Variants in IL1R1 observed in about 807,000 individuals in gnomAD.
IL1R1 encodes interleukin-1 receptor type 1.
In IL1R1, 22 loss-of-function variants were observed where a neutral mutation model predicts 50.2. The observed-to-expected ratio is 0.44, with a 90% CI of 0.31 to 0.63. The LOEUF (loss-of-function observed/expected upper bound fraction) is 0.63. Ranked by LOEUF, IL1R1 falls within the 20% of genes least tolerant of loss-of-function variation. The pLI, the probability that IL1R1 is intolerant of heterozygous loss-of-function variation, is 0.07. For synonymous variants in IL1R1, 251 were observed against 236.7 expected (o/e 1.06, Z -0.55); for missense variants, 509 against 676.2 (o/e 0.75, Z 2.74).
intron 1 of IL1R1, among the ~76,000 whole-genome samples, chr2:102,128,007 G>A (rs900006925): frequency 1.3e-5 from 2 of 151,904 alleles, no homozygotes; most frequent in African/African-American, 4.8e-5. Flanking sequence ...TTCAATTCTC[G>A]ACAGTTCTTC....
chr2:102,121,300 G>A (rs1048896084), intron 1 of IL1R1, among the ~76,000 whole-genome samples: 27 of 152,050 alleles, frequency 1.8e-4, no homozygotes, highest in African/African-American at 6.5e-4. Context: ...GGTTTCTCTC[G>A]CAACTTCTAT....
Position 102,163,020 on chromosome 2 carries a change from A to T in IL1R1, c.62-1754A>T, listed in dbSNP as rs147911983. Reference sequence around the variant, plus strand: ...AATTTTAAATATATTTTCATGGGATATGGAATTCTAGGTAGACTTTTTCTT... The same window carrying T: ...AATTTTAAATATATTTTCATGGGATTTGGAATTCTAGGTAGACTTTTTCTT... On this transcript the variant is annotated intron_variant, in intron 3 of 11. Coordinates refer to ENST00000410023, the MANE Select transcript of IL1R1 (RefSeq NM_000877.4). Among the ~76,000 whole-genome samples, 515 of 152,246 alleles carry T rather than the reference A, an allele frequency of 3.4e-3. 3 individuals are homozygous for T. The highest frequency in any genetic ancestry group is 0.011 in the African/African-American group (474 of 41,558).
chr2:102,094,250 T>C (rs540624857), intron 1 of IL1R1, among the ~76,000 whole-genome samples: 11 of 152,344 alleles, frequency 7.2e-5, no homozygotes, highest in African/African-American at 2.6e-4. Flanking sequence ...TAGTGAGGGA[T>C]TTATGACCTT....
intron 1 of IL1R1, among the ~76,000 whole-genome samples, chr2:102,071,520 T>C (rs1678718459): frequency 6.6e-6 from 1 of 152,238 alleles, no homozygotes; most frequent in Non-Finnish European, 1.5e-5. Flanking sequence ...GGCTTTATCA[T>C]GTGGCTTTTG....
chr2:102,087,474 T>C (rs1002832475), intron 1 of IL1R1, among the ~76,000 whole-genome samples: 3 of 152,232 alleles, frequency 2.0e-5, no homozygotes, highest in Non-Finnish European at 4.4e-5. Context: ...GTTTAGGTAA[T>C]ATTCATAATC....
chr2:102,171,269 A>G (rs1429327786), intron 7 of IL1R1, among the ~76,000 whole-genome samples: 1 of 152,228 alleles, frequency 6.6e-6, no homozygotes, highest in Non-Finnish European at 1.5e-5. Context: ...AATCGTGCTC[A>G]CATACACTAT....
intron 1 of IL1R1, among the ~76,000 whole-genome samples, chr2:102,083,558 C>A (rs912052366): frequency 7.2e-5 from 11 of 152,112 alleles, no homozygotes; most frequent in Admixed American, 6.5e-4. Flanking sequence ...TGTTCTGACA[C>A]CTGATGACAC....
At chr2:102,140,052 T>C (rs1238363213), upstream of IL1R1, among the ~76,000 whole-genome samples, 3 of 152,212 alleles carry the variant, frequency 2.0e-5, no homozygotes, top group Non-Finnish European at 4.4e-5. Flanking sequence ...TGGTCAACTC[T>C]GTTCCTTGGA....
chr2:102,137,185 A>C (rs551292446), intron 1 of IL1R1, among the ~76,000 whole-genome samples: 1 of 152,324 alleles, frequency 6.6e-6, no homozygotes, highest in Non-Finnish European at 1.5e-5. Context: ...GACACCTTGC[A>C]TGCTAGACTG....
At chr2:102,085,527 G>A (rs1232903354) in intron 1 of IL1R1, among the ~76,000 whole-genome samples, 1 of 152,024 alleles carries the variant, frequency 6.6e-6, no homozygotes, top group East Asian at 1.9e-4. Context: ...AGGTAACTAT[G>A]TAGGTGTGTA....
intron 1 of IL1R1, among the ~76,000 whole-genome samples, chr2:102,080,790 C>G (rs1679170358): frequency 6.6e-6 from 1 of 152,102 alleles, no homozygotes; most frequent in Admixed American, 6.5e-5. Context: ...ATAGCCAAAA[C>G]ATAGAAACAA....
intron 1 of IL1R1, among the ~76,000 whole-genome samples, chr2:102,123,995 T>G (rs1181777295): frequency 6.6e-6 from 1 of 151,832 alleles, no homozygotes; most frequent in Non-Finnish European, 1.5e-5. Flanking sequence ...AAGGGGTTTA[T>G]CTTGTGAGAT....
At chr2:102,166,025 A>C in intron 5 of IL1R1, 88 bp from the exon 6 acceptor site, 1 of 1,099,850 alleles carries the variant, frequency 9.1e-7, no homozygotes, top group Non-Finnish European at 1.3e-6. Flanking sequence ...AACATTTGCT[A>C]AGGTGAAAAA....
chr2:102,172,031 C>CTTTTTGTTTT (rs1685721343), intron 8 of IL1R1, 113 bp downstream of exon 8: 1 of 87,246 alleles, frequency 1.1e-5, no homozygotes, highest in Non-Finnish European at 2.0e-5. Context: ...CCTTTGCTGC[C>CTTTTTGTTTT]TTTTTTTTTT....
intron 1 of IL1R1, among the ~76,000 whole-genome samples, chr2:102,086,193 A>G (rs1322707033): frequency 1.3e-5 from 2 of 152,178 alleles, no homozygotes; most frequent in Non-Finnish European, 2.9e-5. Flanking sequence ...TTAATTTTTA[A>G]AGGGTGGTTT....
chr2:102,159,872 GAA>G (rs1684546984), intron 3 of IL1R1, among the ~76,000 whole-genome samples: 1 of 152,198 alleles, frequency 6.6e-6, no homozygotes, highest in Admixed American at 6.5e-5. Flanking sequence ...GAGTAGGATG[GAA>G]GTCATTTAAG....
intron 10 of IL1R1, among the ~76,000 whole-genome samples, chr2:102,175,108 G>A: frequency 7.0e-6 from 1 of 142,460 alleles, no homozygotes. Context: ...TCTCTCCTTT[G>A]TTTAAACTTT....
intron 1 of IL1R1, among the ~76,000 whole-genome samples, chr2:102,148,249 C>T (rs1215939920): frequency 6.6e-6 from 1 of 152,220 alleles, no homozygotes; most frequent in Non-Finnish European, 1.5e-5. Context: ...GTTATTTCCA[C>T]ACTTTCCTGC....
At chr2:102,157,016 C>T (rs1684258340) in intron 2 of IL1R1, among the ~76,000 whole-genome samples, 1 of 152,162 alleles carries the variant, frequency 6.6e-6, no homozygotes, top group Non-Finnish European at 1.5e-5. Context: ...ACATGGTCTA[C>T]TCTAGACATT....
Sources: gnomAD v4.1 joint callset for allele counts (sites outside exome capture counted in the v4.1 genomes callset) on GRCh38, gnomAD v4.1.1 for gene constraint, MANE v1.5 for transcripts, NCBI Gene and HGNC (gene_info 2026-07-23, HGNC 2026-07-21) for gene names.